The following RBFOX1 variants were observed in gnomAD, a reference collection of about 807,000 sequenced individuals.
RBFOX1 encodes RNA binding protein fox-1 homolog 1.
Under a neutral mutation model 57.7 loss-of-function variants are expected in RBFOX1, and 8 were observed. The observed-to-expected ratio is 0.14, with a 90% CI of 0.08 to 0.25. The LOEUF is 0.25. Among genes scored for constraint, RBFOX1 ranks in the 10% least tolerant of loss-of-function variants. The pLI, the probability that RBFOX1 is intolerant of heterozygous loss-of-function variation, is 1.00. For synonymous variants in RBFOX1, 326 were observed against 222.4 expected, an observed-to-expected ratio of 1.47 and a Z score of -4.15; for missense variants, 611 against 548.5, an observed-to-expected ratio of 1.11 and a Z score of -1.14.
At chr16:7,662,868 A>C (rs943128048) in intron 12 of RBFOX1, among the ~76,000 whole-genome samples, 8 of 152,250 alleles carry the variant, frequency 5.3e-5, no homozygotes. Context: ...AGTGAGGTTC[A>C]GATGTCTCAA....
At chr16:5,597,934 G>A (rs969799519) in intron 2 of RBFOX1, among the ~76,000 whole-genome samples, 5 of 152,196 alleles carry the variant, frequency 3.3e-5, no homozygotes, top group Non-Finnish European at 7.3e-5. Context: ...TTCTTCACCT[G>A]TGAGACGGGG....
At chr16:6,914,123 A>G (rs573516144) in intron 3 of RBFOX1, among the ~76,000 whole-genome samples, 1 of 152,314 alleles carries the variant, frequency 6.6e-6, no homozygotes, top group South Asian at 2.1e-4. Flanking sequence ...ATACCTCTGC[A>G]TGCTGCTGTG....
chr16:5,720,279 T>C (rs577995403), intron 3 of RBFOX1, among the ~76,000 whole-genome samples: 57 of 152,306 alleles, frequency 3.7e-4, no homozygotes, highest in African/African-American at 1.2e-3. Context: ...TATTTATATT[T>C]TGATATTGAG....
intron 5 of RBFOX1, among the ~76,000 whole-genome samples, chr16:7,554,270 C>T (rs2087576027): frequency 6.6e-6 from 1 of 152,202 alleles, no homozygotes; most frequent in African/African-American, 2.4e-5. Context: ...TTAGTCATAG[C>T]AGGAACCGTT....
chr16:7,603,081 T>G (rs2141072639), intron 9 of RBFOX1, among the ~76,000 whole-genome samples: 1 of 152,280 alleles, frequency 6.6e-6, no homozygotes, highest in African/African-American at 2.4e-5. Context: ...AAAGCAGTGC[T>G]AATCAAAAAG....
chr16:6,163,226 A>C (rs1477395454), intron 1 of RBFOX1, among the ~76,000 whole-genome samples: 4 of 152,214 alleles, frequency 2.6e-5, no homozygotes, highest in Non-Finnish European at 5.9e-5. Context: ...AAGGGGACTC[A>C]CCTGGCCAAA....
intron 1 of RBFOX1, among the ~76,000 whole-genome samples, chr16:6,092,084 G>T (rs950799427): frequency 2.6e-5 from 4 of 152,062 alleles, no homozygotes; most frequent in South Asian, 2.1e-4. Context: ...CAATCCTTCT[G>T]GAGTTCCACA....
intron 4 of RBFOX1, among the ~76,000 whole-genome samples, chr16:7,236,393 C>A (rs758689683): frequency 2.6e-5 from 4 of 152,162 alleles, no homozygotes; most frequent in Admixed American, 2.0e-4. Flanking sequence ...GGCGTACCCT[C>A]TTTTAAGGTA....
chr16:7,506,875 C>T (rs1018875124), intron 4 of RBFOX1, among the ~76,000 whole-genome samples: 2 of 152,150 alleles, frequency 1.3e-5, no homozygotes, highest in Non-Finnish European at 2.9e-5. Flanking sequence ...ATCCCTTCTT[C>T]CTGGGTTCTC....
At chr16:7,467,437 A>G (rs985658708) in intron 4 of RBFOX1, among the ~76,000 whole-genome samples, 13 of 152,164 alleles carry the variant, frequency 8.5e-5, no homozygotes, top group East Asian at 1.9e-4. Flanking sequence ...GGATGTAACA[A>G]CCACAGTGGT....
intron 3 of RBFOX1, among the ~76,000 whole-genome samples, chr16:5,764,967 C>G (rs1009522571): frequency 2.0e-5 from 3 of 152,090 alleles, no homozygotes; most frequent in African/African-American, 4.8e-5. Context: ...AGTAGTTTGC[C>G]CAAGTCTCCT....
intron 4 of RBFOX1, among the ~76,000 whole-genome samples, chr16:7,100,802 A>G (rs2062562208): frequency 6.6e-6 from 1 of 152,188 alleles, no homozygotes; most frequent in African/African-American, 2.4e-5. Context: ...CCAATGTCAG[A>G]TGAATGCAAA....
chr16:7,359,362 G>C (rs1054385293), intron 4 of RBFOX1, among the ~76,000 whole-genome samples: 2 of 151,416 alleles, frequency 1.3e-5, no homozygotes, highest in African/African-American at 4.9e-5. Flanking sequence ...CCATCTAATT[G>C]TGTGTATATC....
At chr16:7,647,423 T>A (rs1019946414) in intron 11 of RBFOX1, among the ~76,000 whole-genome samples, 2 of 152,188 alleles carry the variant, frequency 1.3e-5, no homozygotes, top group Non-Finnish European at 2.9e-5. Context: ...ACCTATGGGT[T>A]TTCTTGTTTC....
At chr16:6,787,644 A>G (rs12920881) in intron 3 of RBFOX1, among the ~76,000 whole-genome samples, 70,722 of 151,736 alleles carry the variant, frequency 0.47, 16,811 homozygotes, top group East Asian at 0.54. Flanking sequence ...TTTTGAAGAC[A>G]CGTTATTACA....
chr16:6,394,744 G>A (rs2092750871), intron 2 of RBFOX1, among the ~76,000 whole-genome samples: 2 of 151,846 alleles, frequency 1.3e-5, no homozygotes, highest in Non-Finnish European at 2.9e-5. Flanking sequence ...CTGTGATTAG[G>A]TTCTTAGCCA....
intron 4 of RBFOX1, among the ~76,000 whole-genome samples, chr16:7,310,264 T>C (rs776348233): frequency 2.6e-5 from 4 of 152,190 alleles, no homozygotes; most frequent in Non-Finnish European, 5.9e-5. Flanking sequence ...GAGCCTGGCA[T>C]ACGATGAGGA....
At chr16:7,522,003 C>G (rs1166314085) in intron 5 of RBFOX1, among the ~76,000 whole-genome samples, 3 of 152,184 alleles carry the variant, frequency 2.0e-5, no homozygotes, top group Non-Finnish European at 4.4e-5. Flanking sequence ...TATAAGCCCT[C>G]TCGTGGGAAT....
chr16:7,703,658 G>C (rs7195461), intron 14 of RBFOX1, among the ~76,000 whole-genome samples: 149,315 of 152,344 alleles, frequency 0.98, 73,249 homozygotes, highest in Middle Eastern at 1. Context: ...CTTGTTTCAA[G>C]TAGGTGTACA....
Sources: allele counts gnomAD v4.1 joint callset (sites outside exome capture counted in the v4.1 genomes callset), GRCh38; gene constraint gnomAD v4.1.1; transcripts MANE v1.5; gene names NCBI Gene and HGNC (gene_info 2026-07-23, HGNC 2026-07-21).